RAB5C: variants seen among roughly 807,000 people sequenced by gnomAD.
The protein encoded by RAB5C is RAB5C, member RAS oncogene family.
In RAB5C, 4 loss-of-function variants were observed where a neutral mutation model predicts 25.2. That is an observed-to-expected ratio of 0.16 (90% CI 0.08 to 0.36). The LOEUF is 0.36. Among genes scored for constraint, RAB5C ranks in the 10% least tolerant of loss-of-function variants. The probability of loss-of-function intolerance (pLI) is 1.00; values close to 1 mark genes in which losing one functional copy is unlikely to be tolerated. For missense variants in RAB5C, 199 were observed against 283.8 expected (o/e 0.70, Z 2.15); for synonymous variants, 100 against 106.4 (o/e 0.94, Z 0.37).
At chr17:42,127,970 C>T (rs111778169) in intron 4 of RAB5C, among the ~76,000 whole-genome samples, 57 of 152,114 alleles carry the variant, frequency 3.7e-4, no homozygotes, top group African/African-American at 1.3e-3. Context: ...CAGGTGCGTG[C>T]CACCAAGCCC....
intron 1 of RAB5C, among the ~76,000 whole-genome samples, chr17:42,149,292 T>C (rs1425191157): frequency 6.6e-6 from 1 of 152,140 alleles, no homozygotes; most frequent in Non-Finnish European, 1.5e-5. Context: ...AGCAAAATAC[T>C]GTCTTTGGCC....
At chr17:42,141,885 G>A (rs1218709422) in intron 1 of RAB5C, among the ~76,000 whole-genome samples, 1 of 152,096 alleles carries the variant, frequency 6.6e-6, no homozygotes, top group African/African-American at 2.4e-5. Context: ...CCCTGTGAAG[G>A]AGCCGGACTC....
At chr17:42,146,442 C>A (rs999744848) in intron 1 of RAB5C, among the ~76,000 whole-genome samples, 9 of 151,962 alleles carry the variant, frequency 5.9e-5, no homozygotes, top group African/African-American at 2.2e-4. Context: ...ATAGGGAGAC[C>A]CCGTCTCTAC....
rs1354551269 is a variant in RAB5C at position 42,128,643 on chromosome 17, C to A, written c.318+6G>T. ...GGCAAAGGAAGAAGCAAGGGGAAAT[C>A]TTTACTGTGTTGGTGATGTCATAGA... On this transcript the variant is annotated splice_donor_region_variant and intron_variant, in intron 3 of 5. Transcript: ENST00000346213. 6.8e-7 allele frequency: 1 copy of A among 1,470,714 alleles called. No homozygotes were observed. 91.1% of individuals were successfully genotyped at this position (1,470,714 alleles called of 1,614,324 possible). A position where few individuals can be genotyped will look rare whatever the true frequency, so the allele number is the denominator to read the frequency against.
chr17:42,148,561 C>T (rs934184591), intron 1 of RAB5C, among the ~76,000 whole-genome samples: 5 of 152,100 alleles, frequency 3.3e-5, no homozygotes, highest in Admixed American at 2.0e-4. Flanking sequence ...AAACAGGACC[C>T]GATCTGTGCC....
intron 1 of RAB5C, among the ~76,000 whole-genome samples, chr17:42,146,986 C>A (rs887698097): frequency 1.4e-5 from 2 of 147,566 alleles, no homozygotes; most frequent in African/African-American, 5.1e-5. Flanking sequence ...GGCGACAAGG[C>A]AAGACTTCGT....
chr17:42,132,324 GGAA>G (rs2054493968), intron 1 of RAB5C, among the ~76,000 whole-genome samples: 1 of 152,218 alleles, frequency 6.6e-6, no homozygotes, highest in South Asian at 2.1e-4. Flanking sequence ...AAAAGTACAA[GGAA>G]GGAAGTACGG....
chr17:42,139,530 T>G (rs1184972960), intron 1 of RAB5C, among the ~76,000 whole-genome samples: 1 of 152,214 alleles, frequency 6.6e-6, no homozygotes, highest in Non-Finnish European at 1.5e-5. Flanking sequence ...TGGCGTGATC[T>G]CGGCTCACTG....
At chr17:42,128,530 T>TGGGGGGGGGGGGGGGG in intron 3 of RAB5C, 119 bp downstream of exon 3, 1 of 730,796 alleles carries the variant, frequency 1.4e-6, no homozygotes, top group Non-Finnish European at 2.1e-6. Flanking sequence ...ACAGGAAATC[T>TGGGGGGGGGGGGGGGG]GCCCACCCCC....
At chr17:42,128,530 T>TGGGGGGGGGGGGGGGGGGGGGG in intron 3 of RAB5C, 119 bp downstream of exon 3, 2 of 730,778 alleles carry the variant, frequency 2.7e-6, no homozygotes, top group Non-Finnish European at 4.1e-6. Context: ...ACAGGAAATC[T>TGGGGGGGGGGGGGGGGGGGGGG]GCCCACCCCC....
intron 1 of RAB5C, among the ~76,000 whole-genome samples, chr17:42,151,906 A>C (rs2079674276): frequency 1.3e-5 from 2 of 152,150 alleles, no homozygotes; most frequent in Admixed American, 1.3e-4. Context: ...TAAAGAGTTA[A>C]GAGTCTGCCC....
chr17:42,137,531 T>C (rs1414357115), intron 1 of RAB5C, among the ~76,000 whole-genome samples: 1 of 152,192 alleles, frequency 6.6e-6, no homozygotes, highest in Non-Finnish European at 1.5e-5. Context: ...ACGATATGAA[T>C]GCAATCTAGC....
At chr17:42,134,964 T>C (rs2054521002) in intron 1 of RAB5C, among the ~76,000 whole-genome samples, 1 of 494 alleles carries the variant, frequency 2.0e-3, no homozygotes, top group Non-Finnish European at 4.8e-3. Context: ...GGTCTCAAAT[T>C]CTTTTTTTTT....
At chr17:42,143,552 G>C (rs541105313) in intron 1 of RAB5C, among the ~76,000 whole-genome samples, 1 of 152,122 alleles carries the variant, frequency 6.6e-6, no homozygotes, top group Non-Finnish European at 1.5e-5. Flanking sequence ...CACAAGAATT[G>C]CATGAATCTG....
At chr17:42,153,772 AAC>A (rs2079687410) in intron 1 of RAB5C, among the ~76,000 whole-genome samples, 1 of 152,238 alleles carries the variant, frequency 6.6e-6, no homozygotes, top group Non-Finnish European at 1.5e-5. Context: ...AGCCCCAAGC[AAC>A]AGACAAGGAT....
At chr17:42,146,007 A>C (rs2079632831) in intron 1 of RAB5C, among the ~76,000 whole-genome samples, 1 of 152,110 alleles carries the variant, frequency 6.6e-6, no homozygotes, top group South Asian at 2.1e-4. Flanking sequence ...AGGCTTCACC[A>C]TGTTAGCCAG....
At chr17:42,133,928 G>A (rs141221421) in intron 1 of RAB5C, among the ~76,000 whole-genome samples, 6 of 152,304 alleles carry the variant, frequency 3.9e-5, no homozygotes, top group Admixed American at 2.6e-4. Context: ...ACTAGCTGGT[G>A]ACATGTTCTG....
At chr17:42,133,209 C>T (rs1367210677) in intron 1 of RAB5C, among the ~76,000 whole-genome samples, 1 of 152,160 alleles carries the variant, frequency 6.6e-6, no homozygotes, top group Non-Finnish European at 1.5e-5. Flanking sequence ...CATGAATCCA[C>T]GTGACACAGA....
At chr17:42,149,196 A>T (rs1657385554) in intron 1 of RAB5C, among the ~76,000 whole-genome samples, 1 of 152,182 alleles carries the variant, frequency 6.6e-6, no homozygotes, top group Non-Finnish European at 1.5e-5. Context: ...CTTCTCAAAC[A>T]GCCCCAACAT....
Sources: gnomAD v4.1 joint callset for allele counts (sites outside exome capture counted in the v4.1 genomes callset) on GRCh38, gnomAD v4.1.1 for gene constraint, MANE v1.5 for transcripts, NCBI Gene and HGNC (gene_info 2026-07-23, HGNC 2026-07-21) for gene names.